PARP2: variants seen among roughly 807,000 people sequenced by gnomAD.
PARP2 encodes poly [ADP-ribose] polymerase 2.
A neutral mutation model predicts 77.8 loss-of-function variants in PARP2; 57 were observed. The ratio of observed to expected loss-of-function variants is 0.73; its 90% confidence interval spans 0.59 to 0.91. The LOEUF (loss-of-function observed/expected upper bound fraction) is 0.91. Among genes scored for constraint, PARP2 ranks in the 40% least tolerant of loss-of-function variants. PARP2 has a pLI of 0.00. For synonymous variants in PARP2, 226 were observed against 242.6 expected (o/e 0.93, Z 0.64); for missense variants, 651 against 689.0 (o/e 0.94, Z 0.62).
At chr14:20,345,953 C>G (rs1883703801) in intron 3 of PARP2, among the ~76,000 whole-genome samples, 1 of 152,096 alleles carries the variant, frequency 6.6e-6, no homozygotes, top group African/African-American at 2.4e-5. Flanking sequence ...ACTACCAAAT[C>G]TTGTGTGAAT....
intron 8 of PARP2, 128 bp from the exon 9 acceptor site, chr14:20,354,681 T>A: frequency 1.1e-6 from 1 of 896,348 alleles, no homozygotes; most frequent in Non-Finnish European, 1.7e-6. Flanking sequence ...GCAACAGGAG[T>A]GAGACCCCAT....
At chr14:20,356,834 G>T (rs1884171689) in intron 13 of PARP2, 145 bp downstream of exon 13, 2 of 721,330 alleles carry the variant, frequency 2.8e-6, no homozygotes, top group Middle Eastern at 3.1e-4. Flanking sequence ...CTCTTACTGT[G>T]TCCCTCTTTC....
At position 20,351,027 on chromosome 14, in the gene PARP2, G is replaced by A. The variant is rs749651129; in HGVS notation, c.422-20G>A. On this transcript the variant is annotated intron_variant, in intron 5 of 15. Coordinates refer to ENST00000429687, the MANE Select transcript of PARP2 (RefSeq NM_001042618.2). ...TGTTACTCTTAGGGAACTATCTTATGTGTGGCATTTCCTTTGCAGTTGGGA... is the reference window on the plus strand; with the variant it reads ...TGTTACTCTTAGGGAACTATCTTATATGTGGCATTTCCTTTGCAGTTGGGA... The A allele has an allele frequency of 5.0e-6, 8 of 1,602,662 alleles. No homozygotes were observed. The highest frequency in any genetic ancestry group is 1.1e-5 in the South Asian group (1 of 90,786).
At chr14:20,356,236 T>A in intron 11 of PARP2, 71 bp from the exon 12 acceptor site, 1 of 1,557,004 alleles carries the variant, frequency 6.4e-7, no homozygotes, top group Non-Finnish European at 8.8e-7. Context: ...TATATCAGAA[T>A]CCCCAAATTC....
In PARP2 at chr14:20,357,378, A is replaced by C; in HGVS notation, c.1429-18A>C. On this transcript the variant is annotated intron_variant, in intron 14 of 15. Transcript: ENST00000429687. ...TTCTTAGTAGGATATGGGAATTCAA[A>C]GGTTTTTTGCTTTGCAGGTAGCTCT... The C allele has an allele frequency of 1.3e-6, 2 of 1,584,604 alleles. No homozygotes were observed. The highest frequency in any genetic ancestry group is 1.4e-5 in the African/African-American group (1 of 73,370).
Position 20,343,649 on chromosome 14 carries a change from C to CGCGGCGGCGACGGAGCA in PARP2, c.9_25dup (p.Thr9SerfsTer15), listed in dbSNP as rs747087413. ...CGTCAGCGTTCGAATTCCATGGCGG[C>CGCGGCGGCGACGGAGCA]GCGGCGGCGACGGAGCACCGGCGGC... is the stretch of plus-strand genomic sequence containing the variant. On this transcript the variant is annotated frameshift_variant, in exon 1 of 16. Transcript: ENST00000429687. LOFTEE classifies it high-confidence loss of function. 32 of 1,609,880 alleles carry CGCGGCGGCGACGGAGCA rather than the reference C, an allele frequency of 2.0e-5. No individual in the cohort carries two copies. Among genetic ancestry groups the CGCGGCGGCGACGGAGCA allele is most frequent in the Non-Finnish European group, 2.7e-5 (32 of 1,178,902 alleles).
At chr14:20,351,566 C>T (rs574147675) in intron 6 of PARP2, among the ~76,000 whole-genome samples, 1 of 152,290 alleles carries the variant, frequency 6.6e-6, no homozygotes, top group East Asian at 1.9e-4. Flanking sequence ...TCTTTTCACC[C>T]TGACATTCTG....
chr14:20,343,764 C>T, intron 1 of PARP2, 77 bp downstream of exon 1: 2 of 1,448,434 alleles, frequency 1.4e-6, no homozygotes, highest in Middle Eastern at 1.7e-4. Context: ...ACTGTGACCC[C>T]CTTCCCCTTC....
chr14:20,347,917 G>A (rs1248445921), intron 4 of PARP2, among the ~76,000 whole-genome samples: 2 of 150,400 alleles, frequency 1.3e-5, no homozygotes, highest in South Asian at 4.2e-4. Context: ...CTGTCACCCA[G>A]GCTGGAGTGC....
At chr14:20,356,561 A>C (rs1594304211) in intron 12 of PARP2, 29 bp from the exon 13 acceptor site, 1 of 1,603,838 alleles carries the variant, frequency 6.2e-7, no homozygotes, top group East Asian at 2.2e-5. Context: ...GCAGAACAAC[A>C]GAGTACAATA....
chr14:20,352,558 C>CTTTCTTTTTTT (rs1555316985), intron 7 of PARP2: 1 of 214,140 alleles, frequency 4.7e-6, no homozygotes, highest in African/African-American at 3.0e-5. Flanking sequence ...GATTTTTTTT[C>CTTTCTTTTTTT]TTTTTTTTTT....
intron 4 of PARP2, among the ~76,000 whole-genome samples, chr14:20,347,375 T>TATATAA (rs1566418348): frequency 1.1e-4 from 2 of 17,774 alleles, no homozygotes; most frequent in African/African-American, 3.4e-4. Context: ...TATATATATA[T>TATATAA]ATATATATAT....
At chr14:20,351,266 C>T (rs768409565) in intron 6 of PARP2, 144 bp downstream of exon 6, 1 of 520,956 alleles carries the variant, frequency 1.9e-6, no homozygotes, top group Non-Finnish European at 3.4e-6. Context: ...GCAACCTCCA[C>T]CTCCTGGGTT....
Position 20,356,453 on chromosome 14 carries a change from G to A in PARP2, c.1229+19G>A, listed in dbSNP as rs372044309. ...ATAACAGGTCTGAGTCTAGCTTTGC[G>A]TTTGGAAAGACACTCCTTGCCCGAA... On this transcript the variant is annotated intron_variant, in intron 12 of 15. Transcript: ENST00000429687. 5.6e-4 allele frequency: 898 copies of A among 1,613,982 alleles called. No individual in the cohort carries two copies. Among genetic ancestry groups the A allele is most frequent in the Non-Finnish European group, 7.2e-4 (850 of 1,179,954 alleles).
chr14:20,353,176 G>A (rs921455113), intron 7 of PARP2, among the ~76,000 whole-genome samples: 29 of 152,004 alleles, frequency 1.9e-4, no homozygotes, highest in Non-Finnish European at 3.4e-4. Context: ...CATCACGCCC[G>A]GCCTACTAAG....
chr14:20,357,635 C>T lies in PARP2; in HGVS notation c.1554-3C>T, dbSNP rs1489102267. 12 of 1,607,906 alleles carry T rather than the reference C, an allele frequency of 7.5e-6. No homozygotes were observed. Among genetic ancestry groups the T allele is most frequent in the Admixed American group, 1.7e-5 (1 of 57,820 alleles). ...GTTGACACACTTTTTTTCCATTTGG[C>T]AGGAATGGGAGTACAGTGCCATTAG... On this transcript the variant is annotated splice_region_variant and splice_polypyrimidine_tract_variant and intron_variant, in intron 15 of 15. Coordinates refer to ENST00000429687, the MANE Select transcript of PARP2 (RefSeq NM_001042618.2).
At chr14:20,357,214 T>G in intron 14 of PARP2, 65 bp downstream of exon 14, 1 of 1,397,250 alleles carries the variant, frequency 7.2e-7, no homozygotes, top group East Asian at 2.3e-5. Flanking sequence ...ATGAGAAAAG[T>G]TTGACCCCAG....
chr14:20,346,319 A>ATAT, intron 3 of PARP2, among the ~76,000 whole-genome samples: 1 of 129,416 alleles, frequency 7.7e-6, no homozygotes, highest in South Asian at 2.7e-4. Context: ...CTCAGTTAGA[A>ATAT]TCTTTTTTTT....
At chr14:20,354,377 G>C (rs576379545) in intron 8 of PARP2, 130 bp downstream of exon 8, 1 of 765,852 alleles carries the variant, frequency 1.3e-6, no homozygotes, top group Non-Finnish European at 2.1e-6. Context: ...TGGGGTGACA[G>C]GTTGTATGGA....
Sources: allele counts gnomAD v4.1 joint callset (sites outside exome capture counted in the v4.1 genomes callset), GRCh38; gene constraint gnomAD v4.1.1; transcripts MANE v1.5; gene names NCBI Gene and HGNC (gene_info 2026-07-23, HGNC 2026-07-21).